The following AGBL1 variants were observed in gnomAD, a reference collection of about 807,000 sequenced individuals.
AGBL1 encodes cytosolic carboxypeptidase 4.
AGBL1 carries 130 observed loss-of-function variants against 118.9 expected under a neutral mutation model. The ratio of observed to expected loss-of-function variants is 1.09; its 90% CI spans 0.95 to 1.26. The LOEUF (loss-of-function observed/expected upper bound fraction) is 1.26, where lower values mean the gene tolerates loss of function less well. Ranked by LOEUF, AGBL1 falls within the 50% of genes most tolerant of loss-of-function variation. The probability of loss-of-function intolerance (pLI) is 0.00; values close to 1 mark genes in which losing one functional copy is unlikely to be tolerated. For synonymous variants in AGBL1, 555 were observed against 478.9 expected, an observed-to-expected ratio of 1.16 and a Z score of -2.08; for missense variants, 1,584 against 1,298.1, an observed-to-expected ratio of 1.22 and a Z score of -3.38.
At chr15:86,850,850 G>T (rs180906633) in intron 22 of AGBL1, among the ~76,000 whole-genome samples, 1 of 152,184 alleles carries the variant, frequency 6.6e-6, no homozygotes, top group Non-Finnish European at 1.5e-5. Flanking sequence ...TGAAAAGATA[G>T]TTTCCTTCTG....
At chr15:86,974,776 A>G (rs1442631185) in intron 23 of AGBL1, among the ~76,000 whole-genome samples, 3 of 151,704 alleles carry the variant, frequency 2.0e-5, no homozygotes, top group Admixed American at 2.0e-4. Context: ...AGCCAGATCA[A>G]AAACAGAATC....
intron 22 of AGBL1, among the ~76,000 whole-genome samples, chr15:86,761,573 C>T (rs1051171749): frequency 2.0e-5 from 3 of 152,036 alleles, no homozygotes; most frequent in Non-Finnish European, 2.9e-5. Flanking sequence ...GCAGAAGAAG[C>T]TGATCTGACT....
chr15:86,278,914 C>G (rs528153795), intron 15 of AGBL1, among the ~76,000 whole-genome samples: 23 of 152,294 alleles, frequency 1.5e-4, no homozygotes, highest in African/African-American at 5.5e-4. Context: ...AATGTGCACT[C>G]TCAAGCCTTA....
At chr15:87,011,171 T>C (rs2081555567) in intron 24 of AGBL1, among the ~76,000 whole-genome samples, 1 of 152,134 alleles carries the variant, frequency 6.6e-6, no homozygotes, top group Non-Finnish European at 1.5e-5. Context: ...GTCTTTGCAC[T>C]CCCTTCTTCC....
intron 22 of AGBL1, among the ~76,000 whole-genome samples, chr15:86,796,009 A>G (rs929612023): frequency 6.6e-6 from 1 of 152,038 alleles, no homozygotes; most frequent in Non-Finnish European, 1.5e-5. Context: ...GAGGCACTCA[A>G]GACTATGCAG....
At chr15:86,144,972 C>T (rs1027751009) in intron 3 of AGBL1, among the ~76,000 whole-genome samples, 9 of 152,174 alleles carry the variant, frequency 5.9e-5, no homozygotes, top group African/African-American at 2.2e-4. Context: ...CTTCTGGAGT[C>T]TCTGAGGGAG....
intron 22 of AGBL1, among the ~76,000 whole-genome samples, chr15:86,876,933 C>T (rs11073679): frequency 0.15 from 23,173 of 151,846 alleles, 1,923 homozygotes; most frequent in South Asian, 0.24. Flanking sequence ...CAGCATTATG[C>T]GTGGCACAAT....
intron 1 of AGBL1, among the ~76,000 whole-genome samples, chr15:86,096,053 A>G (rs747496609): frequency 6.6e-6 from 1 of 152,092 alleles, no homozygotes; most frequent in Non-Finnish European, 1.5e-5. Context: ...GTAAATTTAT[A>G]CATTAAAATT....
At chr15:86,331,585 T>A (rs2080269702) in intron 17 of AGBL1, among the ~76,000 whole-genome samples, 1 of 152,144 alleles carries the variant, frequency 6.6e-6, no homozygotes, top group East Asian at 1.9e-4. Flanking sequence ...GGGAACCCTA[T>A]CAAGCTAACA....
At position 86,391,041 on chromosome 15, in the gene AGBL1, G is replaced by A. The variant is rs117854685; in HGVS notation, c.2375-6325G>A. On this transcript the variant is annotated intron_variant, in intron 17 of 22. Coordinates refer to ENST00000614907, the MANE Select transcript of AGBL1 (RefSeq NM_001386094.1). The stretch of plus-strand genomic sequence containing the variant: ...ATAAAAAAAAAAAAAAAGGCAAATC[G>A]GTGGTTGCCAGAGGCTAGGGGTGGG... 1.9e-3 allele frequency among the ~76,000 whole-genome samples: 285 copies of A among 150,050 alleles called. 8 individuals carry two copies. The East Asian group carries it at 0.046, about 24-fold the overall frequency.
intron 22 of AGBL1, among the ~76,000 whole-genome samples, chr15:86,796,278 A>G (rs899834472): frequency 2.0e-5 from 3 of 152,188 alleles, no homozygotes; most frequent in Non-Finnish European, 4.4e-5. Flanking sequence ...TCTGTCAGAA[A>G]AGTAAGCATT....
chr15:86,569,402 A>G (rs1382870595), intron 21 of AGBL1, among the ~76,000 whole-genome samples: 1 of 133,146 alleles, frequency 7.5e-6, no homozygotes, highest in African/African-American at 2.6e-5. Flanking sequence ...TCAAAGAAAA[A>G]GAAAACAAGG....
intron 17 of AGBL1, among the ~76,000 whole-genome samples, chr15:86,324,505 G>C (rs564930790): frequency 8.6e-5 from 13 of 150,730 alleles, no homozygotes; most frequent in African/African-American, 3.2e-4. Flanking sequence ...TAGTTTATAC[G>C]GCATTCATTC....
At chr15:86,399,001 C>G (rs1008518720) in intron 18 of AGBL1, among the ~76,000 whole-genome samples, 1 of 151,954 alleles carries the variant, frequency 6.6e-6, no homozygotes, top group Non-Finnish European at 1.5e-5. Context: ...ATTTTATTTA[C>G]TTTTTTATAG....
chr15:86,090,366 CT>C (rs1196465985), intron 1 of AGBL1, among the ~76,000 whole-genome samples: 2 of 152,146 alleles, frequency 1.3e-5, no homozygotes, highest in Non-Finnish European at 1.5e-5. Flanking sequence ...AAAAATCCCC[CT>C]ATTAGATTCT....
chr15:86,103,157 TTATATC>T (rs932185464), intron 1 of AGBL1, among the ~76,000 whole-genome samples: 1 of 152,198 alleles, frequency 6.6e-6, no homozygotes, highest in African/African-American at 2.4e-5. Flanking sequence ...TTCTCTTTAA[TTATATC>T]TATCTTTTTG....
At chr15:86,407,287 GTGTCTAATAAGT>G (rs2081543279) in intron 18 of AGBL1, among the ~76,000 whole-genome samples, 1 of 152,106 alleles carries the variant, frequency 6.6e-6, no homozygotes, top group Non-Finnish European at 1.5e-5. Flanking sequence ...GGTCAGTCCC[GTGTCTAATAAGT>G]TTCAGAGTCA....
intron 6 of AGBL1, among the ~76,000 whole-genome samples, chr15:86,237,978 T>G (rs935653623): frequency 6.6e-6 from 1 of 152,218 alleles, no homozygotes; most frequent in Non-Finnish European, 1.5e-5. Flanking sequence ...CCACTTGCTG[T>G]GTGCCCTTGA....
At chr15:86,393,696 T>A (rs2081320734) in intron 17 of AGBL1, among the ~76,000 whole-genome samples, 1 of 152,180 alleles carries the variant, frequency 6.6e-6, no homozygotes, top group African/African-American at 2.4e-5. Context: ...CATTTTTTTT[T>A]AGAAAGTTTC....
Sources: gnomAD v4.1 joint callset for allele counts (sites outside exome capture counted in the v4.1 genomes callset) on GRCh38, gnomAD v4.1.1 for gene constraint, MANE v1.5 for transcripts, NCBI Gene and HGNC (gene_info 2026-07-23, HGNC 2026-07-21) for gene names.